Variants in DLC1 observed in about 807,000 individuals in gnomAD.
The protein encoded by DLC1 is rho GTPase-activating protein 7.
A neutral mutation model predicts 140.3 loss-of-function variants in DLC1; 54 were observed. The observed-to-expected ratio is 0.38, with a 90% CI of 0.31 to 0.48. DLC1 has a LOEUF of 0.48. Ranked by LOEUF, DLC1 falls within the 20% of genes least tolerant of loss-of-function variation. The pLI, the probability that DLC1 is intolerant of heterozygous loss-of-function variation, is 0.96. For missense variants in DLC1, 2,536 were observed against 1,907.0 expected (o/e 1.33, Z -6.14); for synonymous variants, 986 against 728.1 (o/e 1.35, Z -5.70).
At chr8:13,209,676 G>T (rs554101512) in intron 5 of DLC1, among the ~76,000 whole-genome samples, 1 of 152,056 alleles carries the variant, frequency 6.6e-6, no homozygotes, top group African/African-American at 2.4e-5. Flanking sequence ...CTGTCCTCGT[G>T]ATAGTCAATG....
rs2128930500 is a variant in DLC1, at chr8:13,092,664, C to T, written c.3688G>A (p.Ala1230Thr). The change falls in exon 13 of 18, where the codon GCG becomes ACG. Residue 1230 changes from alanine to threonine, a missense_variant. By Grantham distance (58) the Ala-to-Thr change is moderately conservative. Coordinates refer to ENST00000276297, the MANE Select transcript of DLC1 (RefSeq NM_182643.3). ...MTPTNLAVCL[A>T]PSLFHLNTLK... ...GTGTTGAGATGGAAGAGGGAAGGCG[C>T]TAAGCACACGGCCAGGTTGGTTGGG... 1 of 1,614,204 alleles carries T rather than the reference C, an allele frequency of 6.2e-7. No individual in the cohort carries two copies. Among genetic ancestry groups the T allele is most frequent in the East Asian group, 2.2e-5 (1 of 44,872 alleles).
chr8:13,161,956 T>A (rs1208739967), intron 5 of DLC1, among the ~76,000 whole-genome samples: 1 of 152,252 alleles, frequency 6.6e-6, no homozygotes, highest in African/African-American at 2.4e-5. Flanking sequence ...GCTTTTGTGA[T>A]AAATAAAACA....
chr8:13,231,176 T>C (rs898085402), intron 5 of DLC1, among the ~76,000 whole-genome samples: 1 of 152,146 alleles, frequency 6.6e-6, no homozygotes, highest in African/African-American at 2.4e-5. Context: ...ATTCTTAGTT[T>C]TATTTCTAGG....
rs1417606541 is a variant in DLC1, at chr8:13,401,435, C to T, written c.1173+35G>A. On this transcript the variant is annotated intron_variant, in intron 3 of 17. Coordinates refer to ENST00000276297, the MANE Select transcript of DLC1 (RefSeq NM_182643.3). ...CTGTATAAGGTCAAGAGTTACGACT[C>T]CTATGGGAAAAGAAGTAGAAAGTGG... 5.6e-6 allele frequency: 9 copies of T among 1,608,450 alleles called. No individual in the cohort carries two copies. The South Asian group carries it at 7.7e-5, about 14-fold the overall frequency.
At chr8:13,456,028 C>G (rs1799371347) in intron 2 of DLC1, among the ~76,000 whole-genome samples, 3 of 152,128 alleles carry the variant, frequency 2.0e-5, no homozygotes, top group Admixed American at 1.3e-4. Flanking sequence ...TGTTGTCTTC[C>G]AAAGAGTGTT....
At chr8:13,274,585 A>C (rs1040435961) in intron 5 of DLC1, among the ~76,000 whole-genome samples, 1 of 152,244 alleles carries the variant, frequency 6.6e-6, no homozygotes, top group African/African-American at 2.4e-5. Context: ...TTTTGACTCC[A>C]AACATAGTAT....
chr8:13,396,301 C>T (rs972994031), intron 3 of DLC1, among the ~76,000 whole-genome samples: 8 of 152,124 alleles, frequency 5.3e-5, no homozygotes, highest in African/African-American at 1.7e-4. Flanking sequence ...CCTCGTGATC[C>T]GTCCGTCTCA....
chr8:13,564,918 A>T (rs957241044), intron 1 of DLC1, among the ~76,000 whole-genome samples: 1 of 152,178 alleles, frequency 6.6e-6, no homozygotes, highest in Non-Finnish European at 1.5e-5. Flanking sequence ...CACCACAAGC[A>T]GCCTTCAGCC....
At chr8:13,116,225 A>G (rs990131407) in intron 5 of DLC1, 3 of 985,402 alleles carry the variant, frequency 3.0e-6, no homozygotes, top group African/African-American at 3.5e-5. Context: ...GTCAAGGAAC[A>G]TGGAGGGCAC....
chr8:13,232,569 G>C (rs1457155796), intron 5 of DLC1, among the ~76,000 whole-genome samples: 1 of 152,154 alleles, frequency 6.6e-6, no homozygotes, highest in African/African-American at 2.4e-5. Flanking sequence ...TTGACCTCAT[G>C]ATCCACTTGC....
intron 4 of DLC1, chr8:13,342,126 C>T (rs937698245): frequency 2.0e-5 from 3 of 152,106 alleles, no homozygotes; most frequent in Non-Finnish European, 2.9e-5. Context: ...CTAACCATGA[C>T]CAATGAGGTA....
intron 2 of DLC1, among the ~76,000 whole-genome samples, chr8:13,421,618 A>C (rs1045847089): frequency 2.0e-5 from 3 of 152,162 alleles, no homozygotes; most frequent in African/African-American, 7.2e-5. Context: ...GTGTCCTTGC[A>C]GGAGTTAGTC....
At chr8:13,571,481 C>G (rs56019602) in intron 1 of DLC1, among the ~76,000 whole-genome samples, 10,275 of 152,242 alleles carry the variant, frequency 0.067, 575 homozygotes, top group Admixed American at 0.17. Flanking sequence ...CATTTTGTGT[C>G]TGGCTTAGTG....
Position 13,319,819 on chromosome 8 carries a change from C to CTTTTTTTTTTTTT in DLC1, c.1315-14518_1315-14517insAAAAAAAAAAAAA, listed in dbSNP as rs547737556. Among the ~76,000 whole-genome samples the CTTTTTTTTTTTTT allele has an allele frequency of 3.5e-3, 268 of 76,140 alleles. 32 individuals are homozygous for CTTTTTTTTTTTTT. The highest frequency in any genetic ancestry group is 0.016 in the Middle Eastern group (1 of 62). 50.0% of individuals were successfully genotyped at this position (76,140 alleles called of 152,430 possible). ...CCAACCATTGTTTAATTCTCTCTCT[C>CTTTTTTTTTTTTT]TCTTTTTTTTTTTTTTTTTTTGAGA... On this transcript the variant is annotated intron_variant, in intron 4 of 17. Coordinates refer to ENST00000276297, the MANE Select transcript of DLC1 (RefSeq NM_182643.3).
In DLC1 at chr8:13,453,552, ATATATTTT is replaced by A. The variant is rs1264121940; in HGVS notation, c.1023+45489_1023+45496del. 1.1e-3 allele frequency among the ~76,000 whole-genome samples: 86 copies of A among 75,776 alleles called. 4 individuals carry two copies. Among genetic ancestry groups the A allele is most frequent in the Middle Eastern group, 6.3e-3 (1 of 160 alleles). The allele number at this position is 75,776 out of a possible 152,430, so 49.7% of individuals were successfully genotyped here. Reference sequence around the variant, plus strand: ...TGTATATATATACATATATATATATATATATTTTTTTTTTTTTTTTTTCAGATAGAAAT... The same window carrying A: ...TGTATATATATACATATATATATATATTTTTTTTTTTTTTCAGATAGAAAT... On this transcript the variant is annotated intron_variant, in intron 2 of 17. Transcript: ENST00000276297.
chr8:13,091,566 G>T, intron 13 of DLC1, 134 bp from the exon 14 acceptor site: 1 of 695,688 alleles, frequency 1.4e-6, no homozygotes, highest in Non-Finnish European at 2.3e-6. Context: ...AGTGGATTAA[G>T]AGTGTTTTTA....
chr8:13,506,775 T>A (rs543568014), intron 1 of DLC1, among the ~76,000 whole-genome samples: 1 of 151,880 alleles, frequency 6.6e-6, no homozygotes, highest in Non-Finnish European at 1.5e-5. Flanking sequence ...TCATGTTAAT[T>A]AAACGCAACT....
intron 2 of DLC1, among the ~76,000 whole-genome samples, chr8:13,440,680 TG>T (rs1189354165): frequency 6.6e-6 from 1 of 152,140 alleles, no homozygotes; most frequent in Non-Finnish European, 1.5e-5. Flanking sequence ...CTCCCATGTA[TG>T]GAGGGATCTA....
At chr8:13,175,877 C>G (rs181366606) in intron 5 of DLC1, among the ~76,000 whole-genome samples, 1 of 152,192 alleles carries the variant, frequency 6.6e-6, no homozygotes, top group Non-Finnish European at 1.5e-5. Context: ...GTCACAGCTT[C>G]CCTCTCCTTC....
Sources: allele counts gnomAD v4.1 joint callset (sites outside exome capture counted in the v4.1 genomes callset), GRCh38; gene constraint gnomAD v4.1.1; transcripts MANE v1.5; gene names NCBI Gene and HGNC (gene_info 2026-07-23, HGNC 2026-07-21).